GTF2IRD1: variants seen among roughly 807,000 people sequenced by gnomAD.
The protein encoded by GTF2IRD1 is general transcription factor II-I repeat domain-containing protein 1.
Under a neutral mutation model 113.2 loss-of-function variants are expected in GTF2IRD1, and 26 were observed. That is an observed-to-expected ratio of 0.23 (90% CI 0.17 to 0.32). The LOEUF (loss-of-function observed/expected upper bound fraction) is 0.32, where lower values mean the gene tolerates loss of function less well. Ranked by LOEUF, GTF2IRD1 falls within the 10% of genes least tolerant of loss-of-function variation. The pLI is 1.00. For synonymous variants in GTF2IRD1, 484 were observed against 529.1 expected, an observed-to-expected ratio of 0.91 and a Z score of 1.17; for missense variants, 864 against 1,280.8, an observed-to-expected ratio of 0.67 and a Z score of 4.97.
intron 4 of GTF2IRD1, among the ~76,000 whole-genome samples, chr7:74,517,396 C>G (rs139482304): frequency 4.7e-4 from 70 of 150,388 alleles, no homozygotes; most frequent in Non-Finnish European, 5.5e-4. Context: ...TTCTCTCCCC[C>G]CTCTCGGTCT....
At chr7:74,481,664 G>C (rs1267396801) in intron 1 of GTF2IRD1, among the ~76,000 whole-genome samples, 1 of 152,194 alleles carries the variant, frequency 6.6e-6, no homozygotes, top group Admixed American at 6.5e-5. Flanking sequence ...GTTGGAATCA[G>C]CCTCTGCTGG....
At chr7:74,500,545 C>G (rs1390999970) in intron 1 of GTF2IRD1, among the ~76,000 whole-genome samples, 1 of 152,102 alleles carries the variant, frequency 6.6e-6, no homozygotes, top group African/African-American at 2.4e-5. Flanking sequence ...CCCCAGCCAG[C>G]GGGCCAGGCC....
chr7:74,487,578 G>C (rs1451175757), intron 1 of GTF2IRD1: 2 of 152,066 alleles, frequency 1.3e-5, no homozygotes, highest in Non-Finnish European at 2.9e-5. Flanking sequence ...TTTAAAGCCA[G>C]AGAAAGATAA....
intron 24 of GTF2IRD1, among the ~76,000 whole-genome samples, chr7:74,594,561 C>A (rs587724729): frequency 6.6e-6 from 1 of 152,138 alleles, no homozygotes; most frequent in African/African-American, 2.4e-5. Flanking sequence ...TCTGTTGGGA[C>A]GTTGTGCCCC....
chr7:74,595,851 G>GAGGC (rs782090973), intron 25 of GTF2IRD1: 9 of 152,530 alleles, frequency 5.9e-5, no homozygotes, highest in East Asian at 1.9e-4. Flanking sequence ...CAACAGTGGT[G>GAGGC]AGGCAGGCAG....
chr7:74,545,773 C>T lies in GTF2IRD1; in HGVS notation c.1696C>T (p.Arg566Trp), dbSNP rs782729401. ...DSHGDVIRPL[R>W]KQVELLFNTR... ...CCACGGTGACGTGATCCGGCCCCTG[C>T]GGAAGCAGGTGGAGCTGCTCTTCAA... Residue 566 changes from arginine (R) to tryptophan (W), a missense_variant, in exon 16 of 27, where the codon CGG (arginine) becomes TGG (tryptophan). Arg to Trp is a moderately radical substitution (Grantham distance 101). Transcript: ENST00000424337. The T allele has an allele frequency of 1.9e-6, 3 of 1,613,160 alleles. No homozygotes were observed. The highest frequency in any genetic ancestry group is 2.5e-6 in the Non-Finnish European group (3 of 1,179,714).
chr7:74,468,675 A>G (rs1793886695), intron 1 of GTF2IRD1, among the ~76,000 whole-genome samples: 1 of 112,818 alleles, frequency 8.9e-6, no homozygotes. Context: ...AAAAAAAAAA[A>G]CTGTGTGTGT....
In GTF2IRD1 at chr7:74,453,941, G is replaced by A. The variant is rs1307457553; in HGVS notation, c.-242G>A. 1 of 147,760 alleles carries A rather than the reference G, an allele frequency of 6.8e-6. No homozygotes were observed. 9.2% of individuals were successfully genotyped at this position (147,760 alleles called of 1,614,324 possible). On this transcript the variant is annotated 5_prime_UTR_variant, in exon 1 of 27. Coordinates refer to ENST00000424337, the MANE Select transcript of GTF2IRD1 (RefSeq NM_005685.4). Reference sequence around the variant, plus strand: ...CCGCGCCGCCCCGCCCTCCGCCGCAGCCCGCGCCGGGGGTGGGGGCCGCCG... The same window carrying A: ...CCGCGCCGCCCCGCCCTCCGCCGCAACCCGCGCCGGGGGTGGGGGCCGCCG...
intron 22 of GTF2IRD1, among the ~76,000 whole-genome samples, chr7:74,561,862 T>C (rs587766910): frequency 2.0e-5 from 3 of 152,224 alleles, no homozygotes; most frequent in African/African-American, 7.2e-5. Context: ...AGGTTGACGC[T>C]AGAGCCCACC....
intron 11 of GTF2IRD1, 46 bp downstream of exon 11, chr7:74,536,321 C>A: frequency 8.2e-7 from 1 of 1,214,732 alleles, no homozygotes; most frequent in South Asian, 1.2e-5. Context: ...CAGCCCTGCT[C>A]TGGGCTGAGG....
intron 1 of GTF2IRD1, among the ~76,000 whole-genome samples, chr7:74,456,959 C>G (rs1342383366): frequency 6.6e-6 from 1 of 150,704 alleles, no homozygotes; most frequent in East Asian, 1.9e-4. Flanking sequence ...GGCCATGGTT[C>G]CACCTTTATA....
intron 1 of GTF2IRD1, among the ~76,000 whole-genome samples, chr7:74,454,907 G>A (rs1554326784): frequency 6.6e-6 from 1 of 152,108 alleles, no homozygotes; most frequent in Non-Finnish European, 1.5e-5. Context: ...ACACCCACCC[G>A]CCCCATCCTA....
chr7:74,552,611 T>C (rs1426053138), intron 17 of GTF2IRD1, among the ~76,000 whole-genome samples: 2 of 152,202 alleles, frequency 1.3e-5, no homozygotes, highest in African/African-American at 4.8e-5. Context: ...TAAAAAGTCT[T>C]AAGAGACAGT....
intron 1 of GTF2IRD1, among the ~76,000 whole-genome samples, chr7:74,483,218 T>C (rs1562788977): frequency 2.0e-5 from 3 of 152,076 alleles, no homozygotes; most frequent in Non-Finnish European, 4.4e-5. Flanking sequence ...TAAGAGGTTG[T>C]TTTCCAAAGT....
chr7:74,480,806 TG>T (rs1453993719), intron 1 of GTF2IRD1, among the ~76,000 whole-genome samples: 5 of 152,150 alleles, frequency 3.3e-5, no homozygotes, highest in African/African-American at 1.2e-4. Flanking sequence ...AACCTGAGTT[TG>T]GGGGCTCTCT....
intron 11 of GTF2IRD1, among the ~76,000 whole-genome samples, chr7:74,536,662 C>T (rs1242131161): frequency 6.6e-6 from 1 of 151,506 alleles, no homozygotes; most frequent in Non-Finnish European, 1.5e-5. Flanking sequence ...CAAAATTAGC[C>T]GGGTGTGGTG....
At chr7:74,459,058 A>C (rs952646514) in intron 1 of GTF2IRD1, among the ~76,000 whole-genome samples, 1 of 152,018 alleles carries the variant, frequency 6.6e-6, no homozygotes, top group African/African-American at 2.4e-5. Flanking sequence ...CTCTGGGCCA[A>C]TCTGCACCTA....
chr7:74,500,924 A>G (rs1332945039), intron 1 of GTF2IRD1, among the ~76,000 whole-genome samples: 2 of 151,776 alleles, frequency 1.3e-5, no homozygotes, highest in African/African-American at 2.4e-5. Context: ...GGGTCTTGCT[A>G]TGTTGCCCAG....
chr7:74,553,778 A>C (rs1799447505), intron 17 of GTF2IRD1, among the ~76,000 whole-genome samples: 1 of 152,132 alleles, frequency 6.6e-6, no homozygotes, highest in Non-Finnish European at 1.5e-5. Flanking sequence ...CCTGGGACTC[A>C]GGGGCTCTGC....
Sources: allele counts gnomAD v4.1 joint callset (sites outside exome capture counted in the v4.1 genomes callset), GRCh38; gene constraint gnomAD v4.1.1; transcripts MANE v1.5; gene names NCBI Gene and HGNC (gene_info 2026-07-23, HGNC 2026-07-21).